The following POPDC3 variants were observed in gnomAD, a reference collection of about 807,000 sequenced individuals.
The protein encoded by POPDC3 is popeye domain-containing protein 3.
Under a neutral mutation model 28.2 loss-of-function variants are expected in POPDC3, and 20 were observed. The observed-to-expected ratio is 0.71, with a 90% CI of 0.50 to 1.03. The LOEUF (loss-of-function observed/expected upper bound fraction) is 1.03. POPDC3 is among the 50% of genes least tolerant of loss of function. POPDC3 has a pLI of 0.00. For synonymous variants in POPDC3, 118 were observed against 124.1 expected (o/e 0.95, Z 0.33); for missense variants, 316 against 345.9 (o/e 0.91, Z 0.69).
At chr6:105,175,929 T>A (rs1383361384) in intron 1 of POPDC3, among the ~76,000 whole-genome samples, 1 of 152,110 alleles carries the variant, frequency 6.6e-6, no homozygotes, top group Non-Finnish European at 1.5e-5. Flanking sequence ...CAGTGCTCCA[T>A]CCTTTATAAC....
intron 1 of POPDC3, among the ~76,000 whole-genome samples, chr6:105,179,618 G>GGGACCCCAGACCCC (rs1774744721): frequency 1.3e-5 from 2 of 152,134 alleles, no homozygotes; most frequent in Non-Finnish European, 2.9e-5. Context: ...CGACACAGCC[G>GGGACCCCAGACCCC]GGACCCCAGA....
intron 1 of POPDC3, among the ~76,000 whole-genome samples, chr6:105,167,438 G>A (rs1285828720): frequency 6.6e-6 from 1 of 152,188 alleles, no homozygotes; most frequent in Non-Finnish European, 1.5e-5. Flanking sequence ...ACAATAGATT[G>A]TGAAGACTGT....
chr6:105,163,914 G>T (rs1288991127), intron 1 of POPDC3: 1 of 152,132 alleles, frequency 6.6e-6, no homozygotes, highest in Non-Finnish European at 1.5e-5. Flanking sequence ...CGAGATGATG[G>T]TGATGAAATT....
At position 105,161,540 on chromosome 6, in the gene POPDC3, G is replaced by T; in HGVS notation, c.370C>A (p.Pro124Thr). ...SLFQPLGISL[P>T]VFRTIALSSE... ...CTCAAAGCAATCGTTCTGAAGACAG[G>T]CAAAGAGATCCCCAGGGGCTGGAAA... is the stretch of plus-strand genomic sequence containing the variant. Residue 124 changes from proline to threonine, a missense_variant, in exon 2 of 4, where the codon CCT (proline) becomes ACT (threonine). By Grantham distance (38) the Pro-to-Thr change is conservative (BLOSUM62 -1). Transcript: ENST00000254765. 6.2e-7 allele frequency: 1 copy of T among 1,614,164 alleles called. No individual in the cohort carries two copies. The highest frequency in any genetic ancestry group is 8.5e-7 in the Non-Finnish European group (1 of 1,180,038).
intron 1 of POPDC3, chr6:105,169,907 A>C (rs1442483895): frequency 6.6e-6 from 1 of 152,220 alleles, no homozygotes; most frequent in Non-Finnish European, 1.5e-5. Flanking sequence ...CTACATGTAC[A>C]ATTTCAATAA....
At position 105,164,701 on chromosome 6, in the gene POPDC3, G is replaced by A. The variant is rs576260674; in HGVS notation, c.-251-2541C>T. Among the ~76,000 whole-genome samples, 10 of 152,300 alleles carry A rather than the reference G, an allele frequency of 6.6e-5. No homozygotes were observed. The South Asian group carries it at 1.4e-3, about 22-fold the overall frequency. ...CTGTAAGCCTGAGGTCATGTTTTGC[G>A]TAAATAAATGCTGACATGCCAAAGT... On this transcript the variant is annotated intron_variant, in intron 1 of 3. Transcript: ENST00000254765.
At chr6:105,164,169 G>A (rs896184006) in intron 1 of POPDC3, among the ~76,000 whole-genome samples, 2 of 152,194 alleles carry the variant, frequency 1.3e-5, no homozygotes, top group African/African-American at 4.8e-5. Flanking sequence ...AGATTTGCTA[G>A]TGGAGCTCTG....
intron 1 of POPDC3, chr6:105,168,943 T>C (rs1215720436): frequency 1.3e-5 from 2 of 152,278 alleles, no homozygotes; most frequent in African/African-American, 4.8e-5. Context: ...TCTGAGAAGC[T>C]TGGAAGAGGA....
intron 1 of POPDC3, chr6:105,166,702 T>A: frequency 2.1e-6 from 1 of 469,274 alleles, no homozygotes; most frequent in South Asian, 1.6e-5. Flanking sequence ...AAGTGCACCT[T>A]GTAAGCTGAG....
chr6:105,176,738 G>C (rs1439580422), intron 1 of POPDC3, among the ~76,000 whole-genome samples: 3 of 152,176 alleles, frequency 2.0e-5, no homozygotes, highest in Admixed American at 2.0e-4. Context: ...TGTATTTTTA[G>C]TAGAGACACG....
intron 1 of POPDC3, among the ~76,000 whole-genome samples, chr6:105,165,872 G>A (rs1774444945): frequency 6.6e-6 from 1 of 152,154 alleles, no homozygotes; most frequent in African/African-American, 2.4e-5. Context: ...TGTTCCCTAA[G>A]CTAAATTATC....
chr6:105,174,621 G>A (rs1281853828), intron 1 of POPDC3, among the ~76,000 whole-genome samples: 3 of 152,182 alleles, frequency 2.0e-5, no homozygotes, highest in African/African-American at 7.2e-5. Flanking sequence ...TACTGACTGT[G>A]TATTGTCTCT....
At chr6:105,166,833 C>T in intron 1 of POPDC3, 1 of 325,360 alleles carries the variant, frequency 3.1e-6, no homozygotes, top group South Asian at 2.8e-5. Context: ...AGTTGGGTTA[C>T]ATATTCAAGC....
chr6:105,162,189 C>T (rs1774351135), intron 1 of POPDC3, 29 bp from the exon 2 acceptor site: 1 of 1,164,692 alleles, frequency 8.6e-7, no homozygotes, highest in Admixed American at 4.2e-5. Flanking sequence ...GATAAAGGAT[C>T]TAATTAAACA....
At position 105,161,554 on chromosome 6, in the gene POPDC3, A is replaced by AGGG; in HGVS notation, c.353_355dup (p.Pro118dup). On this transcript the variant is annotated inframe_insertion, in exon 2 of 4. Coordinates refer to ENST00000254765, the MANE Select transcript of POPDC3 (RefSeq NM_022361.5). ...TCTGAAGACAGGCAAAGAGATCCCC[A>AGGG]GGGGCTGGAAAAGGGAGCTGTACAA... 1 of 1,614,210 alleles carries AGGG rather than the reference A, an allele frequency of 6.2e-7. No individual in the cohort carries two copies. The highest frequency in any genetic ancestry group is 8.5e-7 in the Non-Finnish European group (1 of 1,180,028).
intron 1 of POPDC3, chr6:105,169,892 T>C (rs1450976561): frequency 6.6e-6 from 1 of 152,202 alleles, no homozygotes; most frequent in Non-Finnish European, 1.5e-5. Context: ...CACCGAAATA[T>C]CCTGCTACAT....
In POPDC3 at chr6:105,161,615, C is replaced by T; in HGVS notation, c.295G>A (p.Val99Ile). ...TCTCGGGCAAAGGTTATGCTGCGAACTTGATATGCAATATGAACAAATTGC... is the reference window on the plus strand; with the variant it reads ...TCTCGGGCAAAGGTTATGCTGCGAATTTGATATGCAATATGAACAAATTGC... The part of the protein sequence containing the change: ...FMQFVHIAYQ[V>I]RSITFAREFQ... The change falls in exon 2 of 4, where the codon GTT becomes ATT. Residue 99 changes from valine to isoleucine, a missense_variant. By Grantham distance (29) the Val-to-Ile change is conservative. Transcript: ENST00000254765. 2 of 1,614,144 alleles carry T rather than the reference C, an allele frequency of 1.2e-6. No individual in the cohort carries two copies. The highest frequency in any genetic ancestry group is 2.2e-5 in the East Asian group (1 of 44,882).
intron 1 of POPDC3, among the ~76,000 whole-genome samples, chr6:105,166,028 C>T (rs1774449102): frequency 6.6e-6 from 1 of 152,124 alleles, no homozygotes; most frequent in Non-Finnish European, 1.5e-5. Flanking sequence ...AATTTAAATT[C>T]AGCAAAAAAC....
chr6:105,179,153 T>C (rs1399996072), intron 1 of POPDC3: 2 of 985,304 alleles, frequency 2.0e-6, no homozygotes, highest in African/African-American at 3.5e-5. Flanking sequence ...CTCAAAACTA[T>C]ACCACTGTAA....
Sources: allele counts gnomAD v4.1 joint callset (sites outside exome capture counted in the v4.1 genomes callset), GRCh38; gene constraint gnomAD v4.1.1; transcripts MANE v1.5; gene names NCBI Gene and HGNC (gene_info 2026-07-23, HGNC 2026-07-21).